The following CSMD1 variants were observed in gnomAD, a reference collection of about 807,000 sequenced individuals.
CSMD1 encodes the protein CUB and Sushi multiple domains 1, also known as CUB and sushi domain-containing protein 1.
In CSMD1, 213 loss-of-function variants were observed where a neutral mutation model predicts 417.5. That is an observed-to-expected ratio of 0.51 (90% CI 0.46 to 0.57). The LOEUF is 0.57. CSMD1 is among the 20% of genes least tolerant of loss of function. The probability of loss-of-function intolerance (pLI) is 0.00; values close to 1 mark genes in which losing one functional copy is unlikely to be tolerated. For missense variants in CSMD1, 6,923 were observed against 4,529.7 expected (o/e 1.53, Z -15.17); for synonymous variants, 2,862 against 1,736.8 (o/e 1.65, Z -16.11).
At chr8:3,253,932 T>C (rs1407407997) in intron 26 of CSMD1, among the ~76,000 whole-genome samples, 3 of 152,184 alleles carry the variant, frequency 2.0e-5, no homozygotes, top group Non-Finnish European at 4.4e-5. Flanking sequence ...GTTAGCTGGT[T>C]ATTTTGCTCA....
rs182146862 is a variant in CSMD1 at position 4,769,435 on chromosome 8, A to G, written c.86-131877T>C. Among the ~76,000 whole-genome samples, 5 of 152,356 alleles carry G rather than the reference A, an allele frequency of 3.3e-5. No individual in the cohort carries two copies. The East Asian group carries it at 7.7e-4, about 24-fold the overall frequency. The stretch of plus-strand genomic sequence containing the variant: ...CTTGGCATTTTGGGAAAACTTTAGA[A>G]TAAGGTATTATCTGAAGATCACTTA... On this transcript the variant is annotated intron_variant, in intron 1 of 69. Transcript: ENST00000635120.
At chr8:3,391,130 C>T (rs1979830) in intron 17 of CSMD1, among the ~76,000 whole-genome samples, 71,785 of 152,028 alleles carry the variant, frequency 0.47, 17,391 homozygotes, top group African/African-American at 0.57. Context: ...CCCGACCACT[C>T]TCCTTTCCTT....
At chr8:3,097,346 T>G (rs542002958) in intron 46 of CSMD1, among the ~76,000 whole-genome samples, 1 of 152,130 alleles carries the variant, frequency 6.6e-6, no homozygotes, top group Non-Finnish European at 1.5e-5. Context: ...ATTTCCTAAC[T>G]CTACTACAAA....
At chr8:4,252,610 A>G (rs1382920137) in intron 3 of CSMD1, among the ~76,000 whole-genome samples, 2 of 152,230 alleles carry the variant, frequency 1.3e-5, no homozygotes, top group African/African-American at 2.4e-5. Flanking sequence ...TTCATTCATT[A>G]TAGAACCCAA....
In CSMD1 at chr8:3,169,964, C is replaced by G. The variant is rs563846025; in HGVS notation, c.5726-7687G>C. Among the ~76,000 whole-genome samples, 7 of 152,302 alleles carry G rather than the reference C, an allele frequency of 4.6e-5. No homozygotes were observed. The South Asian group carries it at 8.3e-4, about 18-fold the overall frequency. ...CTCTCCCATCACACGCCCACCTCAT[C>G]TAAGAAAGTTTAAATGTTTAGCCAA... is the stretch of plus-strand genomic sequence containing the variant. On this transcript the variant is annotated intron_variant, in intron 37 of 69. Coordinates refer to ENST00000635120, the MANE Select transcript of CSMD1 (RefSeq NM_033225.6).
chr8:4,060,674 T>C (rs577199911), intron 3 of CSMD1, among the ~76,000 whole-genome samples: 3 of 152,156 alleles, frequency 2.0e-5, no homozygotes, highest in East Asian at 1.9e-4. Context: ...GGCATGAACA[T>C]AGATAAGGCC....
chr8:4,863,712 G>A (rs762539065), intron 1 of CSMD1, among the ~76,000 whole-genome samples: 3 of 151,878 alleles, frequency 2.0e-5, no homozygotes, highest in African/African-American at 4.8e-5. Flanking sequence ...AACAATAAAA[G>A]ACTTATCCTT....
At chr8:4,417,769 A>T in intron 3 of CSMD1, among the ~76,000 whole-genome samples, 1 of 152,168 alleles carries the variant, frequency 6.6e-6, no homozygotes, top group Non-Finnish European at 1.5e-5. Context: ...TCTAATTATT[A>T]TCATTAATTC....
chr8:3,443,125 C>T lies in CSMD1; in HGVS notation c.1561+25587G>A, dbSNP rs149270637. Among the ~76,000 whole-genome samples, 207 of 152,286 alleles carry T rather than the reference C, an allele frequency of 1.4e-3. 3 individuals are homozygous for T. Among genetic ancestry groups the T allele is most frequent in the African/African-American group, 4.7e-3 (197 of 41,558 alleles). On this transcript the variant is annotated intron_variant, in intron 12 of 69. Coordinates refer to ENST00000635120, the MANE Select transcript of CSMD1 (RefSeq NM_033225.6). ...TTATGATGCCTTTTCTAGCAGACAT[C>T]CACTAGTGAGCAGTGTACACTGCAC...
intron 66 of CSMD1, among the ~76,000 whole-genome samples, chr8:2,950,888 A>G (rs544425914): frequency 6.0e-4 from 92 of 152,312 alleles, no homozygotes; most frequent in African/African-American, 2.1e-3. Flanking sequence ...TATGTGCATA[A>G]TTTTGAGCAA....
intron 1 of CSMD1, among the ~76,000 whole-genome samples, chr8:4,798,113 A>G (rs770070326): frequency 1.3e-5 from 2 of 152,208 alleles, no homozygotes; most frequent in Non-Finnish European, 2.9e-5. Context: ...GCTGTACCCA[A>G]TAACTCATCA....
chr8:3,405,977 A>G (rs770316104), intron 15 of CSMD1, 50 bp downstream of exon 15: 10 of 1,562,108 alleles, frequency 6.4e-6, no homozygotes, highest in Non-Finnish European at 8.8e-6. Flanking sequence ...GTGCCTGAAG[A>G]TAGATGTGTG....
chr8:4,829,395 A>C (rs900498990), intron 1 of CSMD1, among the ~76,000 whole-genome samples: 1 of 152,194 alleles, frequency 6.6e-6, no homozygotes, highest in Non-Finnish European at 1.5e-5. Context: ...TAGAGATACA[A>C]AGATGACTTA....
intron 26 of CSMD1, among the ~76,000 whole-genome samples, chr8:3,239,533 C>T (rs575967115): frequency 1.3e-5 from 2 of 152,106 alleles, no homozygotes; most frequent in African/African-American, 2.4e-5. Flanking sequence ...CAGTCTTGGG[C>T]AGGGGCAAAT....
intron 47 of CSMD1, 147 bp from the exon 48 acceptor site, chr8:3,091,809 CTA>C: frequency 1.6e-6 from 1 of 615,572 alleles, no homozygotes; most frequent in Non-Finnish European, 2.6e-6. Context: ...TTCCAAATGG[CTA>C]TAGTGACAGA....
chr8:4,605,335 C>T (rs1048987672), intron 2 of CSMD1, among the ~76,000 whole-genome samples: 1 of 151,664 alleles, frequency 6.6e-6, no homozygotes, highest in Admixed American at 6.6e-5. Flanking sequence ...AGCAATGAAC[C>T]CAAAATGAAT....
intron 3 of CSMD1, among the ~76,000 whole-genome samples, chr8:4,240,973 C>G (rs1008195982): frequency 2.4e-4 from 36 of 152,128 alleles, no homozygotes; most frequent in African/African-American, 7.7e-4. Context: ...CCCTTTAAGT[C>G]TGTTCAATTA....
chr8:3,621,083 G>A (rs1419032927), intron 7 of CSMD1, among the ~76,000 whole-genome samples: 1 of 152,184 alleles, frequency 6.6e-6, no homozygotes, highest in South Asian at 2.1e-4. Flanking sequence ...GACACAAGAA[G>A]AGAGTCATCC....
At chr8:3,658,042 T>G (rs950833511) in intron 7 of CSMD1, among the ~76,000 whole-genome samples, 2 of 152,186 alleles carry the variant, frequency 1.3e-5, no homozygotes, top group African/African-American at 4.8e-5. Context: ...CTTGAAATAC[T>G]CAGAGCATAA....
Sources: gnomAD v4.1 joint callset for allele counts (sites outside exome capture counted in the v4.1 genomes callset) on GRCh38, gnomAD v4.1.1 for gene constraint, MANE v1.5 for transcripts, NCBI Gene and HGNC (gene_info 2026-07-23, HGNC 2026-07-21) for gene names.